The following BPIFB4 variants were observed in gnomAD, a reference collection of about 807,000 sequenced individuals.
BPIFB4 encodes BPI fold-containing family B member 4.
In BPIFB4, 62 loss-of-function variants were observed where a neutral mutation model predicts 69.2. The ratio of observed to expected loss-of-function variants is 0.90; its 90% CI spans 0.73 to 1.11. BPIFB4 has a LOEUF of 1.11. Ranked by LOEUF, BPIFB4 falls within the 50% of genes least tolerant of loss-of-function variation. The pLI, the probability that BPIFB4 is intolerant of heterozygous loss-of-function variation, is 0.00. For synonymous variants in BPIFB4, 330 were observed against 332.7 expected, an observed-to-expected ratio of 0.99 and a Z score of 0.09; for missense variants, 789 against 792.0, an observed-to-expected ratio of 1.00 and a Z score of 0.04.
chr20:33,106,185 C>T (rs1254893178), intron 16 of BPIFB4, among the ~76,000 whole-genome samples: 2 of 152,132 alleles, frequency 1.3e-5, no homozygotes, highest in African/African-American at 4.8e-5. Context: ...TCTTCCTGCT[C>T]TCTTTCTAGA....
intron 15 of BPIFB4, among the ~76,000 whole-genome samples, chr20:33,103,400 C>T (rs1341724732): frequency 1.3e-5 from 2 of 152,172 alleles, no homozygotes; most frequent in Non-Finnish European, 2.9e-5. Flanking sequence ...TGACCTTGAG[C>T]GATATCAACC....
At chr20:33,092,725 C>A in intron 11 of BPIFB4, 67 bp downstream of exon 11, 1 of 1,442,482 alleles carries the variant, frequency 6.9e-7, no homozygotes, top group South Asian at 1.2e-5. Context: ...CCTTCTCAGT[C>A]TCCACAGACT....
At chr20:33,109,781 G>A (rs1244712917) in intron 17 of BPIFB4, among the ~76,000 whole-genome samples, 1 of 152,038 alleles carries the variant, frequency 6.6e-6, no homozygotes, top group Non-Finnish European at 1.5e-5. Flanking sequence ...GAATAATAAG[G>A]GAGATAACAC....
intron 6 of BPIFB4, 31 bp from the exon 7 acceptor site, chr20:33,085,990 A>C (rs1981412327): frequency 6.3e-7 from 1 of 1,587,794 alleles, no homozygotes; most frequent in African/African-American, 1.3e-5. Flanking sequence ...GGGGTGACTC[A>C]TGGTCTCCCT....
In BPIFB4 at chr20:33,108,567, G is replaced by C. The variant is rs547007179; in HGVS notation, c.1821+747G>C. The stretch of plus-strand genomic sequence containing the variant: ...TAGAGCATTGGGGTTAAAGAACGAG[G>C]GCTTGGAGCCCAGTGACCCCAGTTC... On this transcript the variant is annotated intron_variant, in intron 17 of 17. Transcript: ENST00000375483. 4.6e-5 allele frequency among the ~76,000 whole-genome samples: 7 copies of C among 151,974 alleles called. No individual in the cohort carries two copies. In the South Asian group the frequency reaches 1.5e-3, roughly 32 times the overall value.
Position 33,089,667 on chromosome 20 carries a change from AAGTGAGGAGT to A in BPIFB4, c.1051+110_1051+119del, listed in dbSNP as rs1426833701. 8.3e-6 allele frequency: 13 copies of A among 1,559,676 alleles called. No individual in the cohort carries two copies. The East Asian group carries it at 2.3e-4, about 28-fold the overall frequency. On this transcript the variant is annotated intron_variant, in intron 9 of 17. Coordinates refer to ENST00000375483, the MANE Select transcript of BPIFB4 (RefSeq NM_182519.3). The stretch of plus-strand genomic sequence containing the variant: ...CCACAGACCTGCCCTTAGGCCCTTG[AAGTGAGGAGT>A]GGCTAATGCCACAAGGGAGGTGCCA...
intron 16 of BPIFB4, among the ~76,000 whole-genome samples, chr20:33,107,023 G>A (rs974850754): frequency 6.6e-6 from 1 of 152,088 alleles, no homozygotes; most frequent in South Asian, 2.1e-4. Flanking sequence ...GACCAATATG[G>A]TGAAACCCCA....
At chr20:33,085,309 G>T (rs577650010) in intron 6 of BPIFB4, among the ~76,000 whole-genome samples, 18 of 152,302 alleles carry the variant, frequency 1.2e-4, no homozygotes, top group Admixed American at 2.6e-4. Context: ...ACAAAAATGG[G>T]CTGGGCGTGG....
In BPIFB4 at chr20:33,094,230, G is replaced by A. The variant is rs1055037064; in HGVS notation, c.1345-870G>A. 8.5e-5 allele frequency among the ~76,000 whole-genome samples: 13 copies of A among 152,316 alleles called. No individual in the cohort carries two copies. The East Asian group carries it at 2.3e-3, about 27-fold the overall frequency. On this transcript the variant is annotated intron_variant, in intron 11 of 17. Coordinates refer to ENST00000375483, the MANE Select transcript of BPIFB4 (RefSeq NM_182519.3). Reference sequence around the variant, plus strand: ...ATGCCCAAAGCTCTCCACAGACAATGATATCCATGCAGAAGGTAATGGCAT... The same window carrying A: ...ATGCCCAAAGCTCTCCACAGACAATAATATCCATGCAGAAGGTAATGGCAT...
intron 13 of BPIFB4, among the ~76,000 whole-genome samples, chr20:33,098,734 G>A: frequency 7.8e-6 from 1 of 128,266 alleles, no homozygotes; most frequent in Admixed American, 8.7e-5. Flanking sequence ...GACAGAGCAA[G>A]ACTCCATCTC....
intron 16 of BPIFB4, among the ~76,000 whole-genome samples, chr20:33,105,828 C>G (rs915308294): frequency 1.3e-5 from 2 of 152,056 alleles, no homozygotes; most frequent in African/African-American, 4.8e-5. Context: ...GCTGGGCTGA[C>G]CTGGGAGGGA....
intron 8 of BPIFB4, 135 bp downstream of exon 8, chr20:33,089,164 T>C: frequency 2.1e-6 from 3 of 1,396,210 alleles, no homozygotes; most frequent in Non-Finnish European, 3.0e-6. Flanking sequence ...GGGCATGTAT[T>C]TGGAGGGTCT....
chr20:33,110,911 G>A (rs905430878), intron 17 of BPIFB4, among the ~76,000 whole-genome samples: 3 of 151,456 alleles, frequency 2.0e-5, no homozygotes, highest in African/African-American at 7.3e-5. Flanking sequence ...CACCTCCCGG[G>A]TTTAAGTGAT....
intron 11 of BPIFB4, 71 bp downstream of exon 11, chr20:33,092,729 A>T (rs1981643133): frequency 1.4e-6 from 2 of 1,432,794 alleles, no homozygotes; most frequent in Non-Finnish European, 1.9e-6. Flanking sequence ...CTCAGTCTCC[A>T]CAGACTTGGG....
At chr20:33,081,121 G>A (rs1257757429) in intron 2 of BPIFB4, among the ~76,000 whole-genome samples, 1 of 152,174 alleles carries the variant, frequency 6.6e-6, no homozygotes, top group Non-Finnish European at 1.5e-5. Flanking sequence ...GTGATGTAGA[G>A]GAATGAGTAG....
At chr20:33,088,909 C>T (rs994564103) in intron 7 of BPIFB4, 57 bp from the exon 8 acceptor site, 103 of 1,610,796 alleles carry the variant, frequency 6.4e-5, no homozygotes, top group Admixed American at 8.3e-5. Context: ...GGTGGACAGC[C>T]TTGGTGAGCC....
chr20:33,104,330 C>G (rs1981985025), intron 15 of BPIFB4, among the ~76,000 whole-genome samples: 1 of 152,234 alleles, frequency 6.6e-6, no homozygotes, highest in African/African-American at 2.4e-5. Flanking sequence ...CGCATCCTTG[C>G]AAACTCAGCT....
intron 12 of BPIFB4, among the ~76,000 whole-genome samples, chr20:33,097,332 C>A (rs954288915): frequency 6.6e-6 from 1 of 152,188 alleles, no homozygotes; most frequent in African/African-American, 2.4e-5. Flanking sequence ...CTCTGGGAGA[C>A]CCCATTTCAC....
intron 3 of BPIFB4, 29 bp from the exon 4 acceptor site, chr20:33,082,909 C>T: frequency 1.2e-6 from 2 of 1,600,230 alleles, no homozygotes; most frequent in Non-Finnish European, 8.6e-7. Flanking sequence ...AGGGAGGAAC[C>T]CTGGACTGAT....
Sources: gnomAD v4.1 joint callset for allele counts (sites outside exome capture counted in the v4.1 genomes callset) on GRCh38, gnomAD v4.1.1 for gene constraint, MANE v1.5 for transcripts, NCBI Gene and HGNC (gene_info 2026-07-23, HGNC 2026-07-21) for gene names.